The following ACTR2 variants were observed in gnomAD, a reference collection of about 807,000 sequenced individuals.
The protein encoded by ACTR2 is actin-related protein 2.
In ACTR2, 5 loss-of-function variants were observed where a neutral mutation model predicts 50.2. The ratio of observed to expected loss-of-function variants is 0.10; its 90% CI spans 0.05 to 0.21. ACTR2 has a LOEUF of 0.21. Among genes scored for constraint, ACTR2 ranks in the 10% least tolerant of loss-of-function variants. The pLI is 1.00. For missense variants in ACTR2, 180 were observed against 480.6 expected, an observed-to-expected ratio of 0.37 and a Z score of 5.85; for synonymous variants, 140 against 162.9, an observed-to-expected ratio of 0.86 and a Z score of 1.07.
Position 65,261,271 on chromosome 2 carries a change from G to A in ACTR2, c.760G>A (p.Val254Ile). The change falls in exon 7 of 9, where the codon GTT becomes ATT. Residue 254 changes from valine to isoleucine, a missense_variant. Coordinates refer to ENST00000260641, the MANE Select transcript of ACTR2 (RefSeq NM_005722.4). ...YTLPDGRIIK[V>I]GGERFEAPEA... ...GCTCCCAGATGGACGTATCATCAAAGTTGGGGGAGAGAGATTTGAAGCACC... is the reference window on the plus strand; with the variant it reads ...GCTCCCAGATGGACGTATCATCAAAATTGGGGGAGAGAGATTTGAAGCACC... 1 of 1,614,068 alleles carries A rather than the reference G, an allele frequency of 6.2e-7. No homozygotes were observed. Among genetic ancestry groups the A allele is most frequent in the Non-Finnish European group, 8.5e-7 (1 of 1,180,006 alleles).
chr2:65,246,544 G>T lies in ACTR2; in HGVS notation c.180G>T (p.Glu60Asp). The change falls in exon 3 of 9, where the codon GAG (glutamate) becomes GAT (aspartate). Residue 60 changes from glutamate (E) to aspartate (D), a missense_variant. Glu to Asp is a conservative substitution (Grantham distance 45). Transcript: ENST00000260641. The stretch of plus-strand genomic sequence containing the variant: ...TCTAGGATCTTATGGTTGGTGATGA[G>T]GCAAGTGAATTACGATCAATGTTAG... ...IEIKDLMVGD[E>D]ASELRSMLEV... The T allele has an allele frequency of 6.2e-7, 1 of 1,607,782 alleles. No homozygotes were observed. Among genetic ancestry groups the T allele is most frequent in the Non-Finnish European group, 8.5e-7 (1 of 1,177,710 alleles).
At chr2:65,239,568 C>T (rs976037229) in intron 1 of ACTR2, among the ~76,000 whole-genome samples, 3 of 152,256 alleles carry the variant, frequency 2.0e-5, no homozygotes, top group African/African-American at 4.8e-5. Flanking sequence ...GATTCCAGCA[C>T]GAACTGCTCA....
At chr2:65,235,703 C>G (rs540905788) in intron 1 of ACTR2, among the ~76,000 whole-genome samples, 10 of 151,850 alleles carry the variant, frequency 6.6e-5, no homozygotes, top group Non-Finnish European at 8.8e-5. Flanking sequence ...TGCAATGAGC[C>G]GAGATCACGC....
chr2:65,265,872 A>C (rs1573171607), intron 8 of ACTR2, among the ~76,000 whole-genome samples: 1 of 152,332 alleles, frequency 6.6e-6, no homozygotes, highest in African/African-American at 2.4e-5. Context: ...ACTTTGATCA[A>C]CTGTTTTAGA....
intron 7 of ACTR2, among the ~76,000 whole-genome samples, chr2:65,262,244 T>G (rs915598163): frequency 6.6e-6 from 1 of 152,170 alleles, no homozygotes; most frequent in Non-Finnish European, 1.5e-5. Context: ...GTTGTTTGTT[T>G]TTTGAGACGG....
At chr2:65,232,210 T>TA (rs1553406182) in intron 1 of ACTR2, among the ~76,000 whole-genome samples, 2 of 152,212 alleles carry the variant, frequency 1.3e-5, no homozygotes, top group African/African-American at 2.4e-5. Flanking sequence ...CCCCTGGTGT[T>TA]ACGTGTCTTG....
chr2:65,261,185 C>T (rs1337800882), intron 6 of ACTR2, 62 bp from the exon 7 acceptor site: 32 of 1,544,042 alleles, frequency 2.1e-5, no homozygotes, highest in Non-Finnish European at 2.6e-5. Context: ...ACTAGTGTTC[C>T]GGAGAACACT....
At chr2:65,231,052 A>AC (rs1671628624) in intron 1 of ACTR2, among the ~76,000 whole-genome samples, 1 of 135,074 alleles carries the variant, frequency 7.4e-6, no homozygotes, top group African/African-American at 3.1e-5. Flanking sequence ...AGACTGTCAC[A>AC]AAAAAAAAAA....
intron 5 of ACTR2, 43 bp from the exon 6 acceptor site, chr2:65,255,502 C>T: frequency 6.4e-7 from 1 of 1,569,134 alleles, no homozygotes; most frequent in Non-Finnish European, 8.7e-7. Context: ...GAGTAGAACT[C>T]ATTCAGATGT....
At chr2:65,228,295 C>T in intron 1 of ACTR2, 1 of 281,168 alleles carries the variant, frequency 3.6e-6, no homozygotes, top group Non-Finnish European at 6.6e-6. Flanking sequence ...GTAAAAGGCT[C>T]GGTTTGTGTG....
At chr2:65,228,385 G>T in intron 1 of ACTR2, 1 of 153,268 alleles carries the variant, frequency 6.5e-6, no homozygotes, top group Non-Finnish European at 1.4e-5. Flanking sequence ...TTCCTGTATA[G>T]TTGAAGATAC....
intron 5 of ACTR2, among the ~76,000 whole-genome samples, chr2:65,254,491 A>C (rs1272276647): frequency 6.6e-6 from 1 of 152,214 alleles, no homozygotes; most frequent in African/African-American, 2.4e-5. Context: ...ACTTGCTAAC[A>C]TATATCATTT....
At chr2:65,264,479 A>G (rs919890044) in intron 7 of ACTR2, among the ~76,000 whole-genome samples, 2 of 152,134 alleles carry the variant, frequency 1.3e-5, no homozygotes, top group Non-Finnish European at 2.9e-5. Context: ...TTTAGATTGG[A>G]TTTTCTGATC....
chr2:65,256,893 A>G (rs993447595), intron 6 of ACTR2, among the ~76,000 whole-genome samples: 3 of 136,648 alleles, frequency 2.2e-5, no homozygotes, highest in Non-Finnish European at 4.9e-5. Context: ...AAAAAAAAAA[A>G]AAGTTAAGAT....
rs1672456289 is a variant in ACTR2, at chr2:65,269,740, G to T, written c.*1006G>T. The T allele has an allele frequency of 6.6e-6, 1 of 152,082 alleles. No individual in the cohort carries two copies. Among genetic ancestry groups the T allele is most frequent in the Non-Finnish European group, 1.5e-5 (1 of 68,004 alleles). The allele number at this position is 152,082 out of a possible 1,614,324, so 9.4% of individuals were successfully genotyped here. On this transcript the variant is annotated 3_prime_UTR_variant, in exon 9 of 9. Transcript: ENST00000260641. ...GACCAGTGCTTAATAAAACAAGCAG[G>T]TACTTACAAATAATTACTGGCAGTA...
At chr2:65,265,682 G>A (rs1268380143) in intron 8 of ACTR2, among the ~76,000 whole-genome samples, 5 of 152,118 alleles carry the variant, frequency 3.3e-5, no homozygotes, top group Non-Finnish European at 5.9e-5. Context: ...ACTTTAATTG[G>A]TTGTTGTTGG....
chr2:65,266,976 G>A (rs1443321336), intron 8 of ACTR2, among the ~76,000 whole-genome samples: 1 of 152,190 alleles, frequency 6.6e-6, no homozygotes, highest in Non-Finnish European at 1.5e-5. Context: ...TGGGGCTATG[G>A]AGTTTTAGGG....
At chr2:65,236,719 T>C (rs1185370433) in intron 1 of ACTR2, among the ~76,000 whole-genome samples, 1 of 152,122 alleles carries the variant, frequency 6.6e-6, no homozygotes, top group Non-Finnish European at 1.5e-5. Flanking sequence ...TAACTGGGAT[T>C]ACAGGCATGC....
At chr2:65,256,563 T>A (rs895953211) in intron 6 of ACTR2, among the ~76,000 whole-genome samples, 1 of 152,216 alleles carries the variant, frequency 6.6e-6, no homozygotes, top group Non-Finnish European at 1.5e-5. Flanking sequence ...TAGTCATTTT[T>A]AAAGTAATTA....
Sources: allele counts gnomAD v4.1 joint callset (sites outside exome capture counted in the v4.1 genomes callset), GRCh38; gene constraint gnomAD v4.1.1; transcripts MANE v1.5; gene names NCBI Gene and HGNC (gene_info 2026-07-23, HGNC 2026-07-21).